RASAL2: variants seen among roughly 807,000 people sequenced by gnomAD.
RASAL2 encodes RAS protein activator like 2.
Under a neutral mutation model 128.9 loss-of-function variants are expected in RASAL2, and 58 were observed. The observed-to-expected ratio is 0.45, with a 90% confidence interval of 0.36 to 0.56. The LOEUF is 0.56. Ranked by LOEUF, RASAL2 falls within the 20% of genes least tolerant of loss-of-function variation. The pLI is 0.00. For synonymous variants in RASAL2, 561 were observed against 580.8 expected, an observed-to-expected ratio of 0.97 and a Z score of 0.49; for missense variants, 1,360 against 1,601.6, an observed-to-expected ratio of 0.85 and a Z score of 2.57.
intron 1 of RASAL2, among the ~76,000 whole-genome samples, chr1:178,163,183 G>C (rs1661393735): frequency 6.6e-6 from 1 of 151,746 alleles, no homozygotes. Flanking sequence ...GGCCAGGCTA[G>C]TCTTGAACTC....
chr1:178,291,832 C>G (rs1407274452), intron 2 of RASAL2, among the ~76,000 whole-genome samples: 1 of 151,952 alleles, frequency 6.6e-6, no homozygotes, highest in Non-Finnish European at 1.5e-5. Context: ...GTCAGGAGTT[C>G]GAGACCAGCC....
intron 1 of RASAL2, among the ~76,000 whole-genome samples, chr1:178,279,243 A>C (rs1163620330): frequency 2.0e-5 from 3 of 151,980 alleles, no homozygotes; most frequent in Non-Finnish European, 1.5e-5. Flanking sequence ...AACTTTTATC[A>C]ATTTGTATTT....
At chr1:178,395,687 T>A (rs1673169538) in intron 4 of RASAL2, among the ~76,000 whole-genome samples, 1 of 151,622 alleles carries the variant, frequency 6.6e-6, no homozygotes, top group African/African-American at 2.4e-5. Flanking sequence ...CTATCCGTGT[T>A]TCTTCCCTCT....
chr1:178,262,169 C>T (rs1368206798), intron 1 of RASAL2, among the ~76,000 whole-genome samples: 1 of 150,762 alleles, frequency 6.6e-6, no homozygotes, highest in African/African-American at 2.4e-5. Flanking sequence ...CCTTTCTCTG[C>T]TGAAAACAGT....
In RASAL2 at chr1:178,199,131, T is replaced by C. The variant is rs576141667; in HGVS notation, c.203-84433T>C. ...GAGCCAGGCATGGGATATAATCTCC[T>C]GGTGTGCCATTTGCTAAGACCACTG... is the stretch of plus-strand genomic sequence containing the variant. On this transcript the variant is annotated intron_variant, in intron 1 of 17. Transcript: ENST00000367649. Among the ~76,000 whole-genome samples the C allele has an allele frequency of 3.9e-4, 59 of 152,362 alleles. 1 individual carries two copies. In the South Asian group the frequency reaches 9.5e-3, roughly 25 times the overall value.
chr1:178,347,646 A>G (rs1020150112), intron 3 of RASAL2, among the ~76,000 whole-genome samples: 6 of 152,236 alleles, frequency 3.9e-5, no homozygotes, highest in African/African-American at 9.6e-5. Flanking sequence ...AAATGAGAAA[A>G]AAGAAAATAC....
At chr1:178,343,802 AAAAC>A (rs1670003011) in intron 3 of RASAL2, among the ~76,000 whole-genome samples, 1 of 151,878 alleles carries the variant, frequency 6.6e-6, no homozygotes, top group East Asian at 1.9e-4. Context: ...TTAGAAAAAA[AAAAC>A]AATAAAAAGG....
chr1:178,361,089 A>G (rs985233179), intron 3 of RASAL2, among the ~76,000 whole-genome samples: 2 of 152,166 alleles, frequency 1.3e-5, no homozygotes, highest in Non-Finnish European at 2.9e-5. Flanking sequence ...GATGTATTTT[A>G]TTGTAATGTT....
chr1:178,276,031 G>T (rs776901096), intron 1 of RASAL2, among the ~76,000 whole-genome samples: 11 of 152,178 alleles, frequency 7.2e-5, no homozygotes, highest in Non-Finnish European at 1.5e-4. Context: ...AACCATTTCT[G>T]ACCTAATGAC....
intron 2 of RASAL2, among the ~76,000 whole-genome samples, chr1:178,299,788 C>T (rs1299993723): frequency 6.6e-6 from 1 of 152,142 alleles, no homozygotes; most frequent in African/African-American, 2.4e-5. Flanking sequence ...AGTCACTGCA[C>T]CTGGCCCAGT....
intron 1 of RASAL2, among the ~76,000 whole-genome samples, chr1:178,266,244 A>C (rs751442170): frequency 1.3e-5 from 2 of 152,170 alleles, no homozygotes; most frequent in African/African-American, 2.4e-5. Context: ...AACAATACTT[A>C]GTATCTTTTT....
intron 2 of RASAL2, among the ~76,000 whole-genome samples, chr1:178,299,654 C>T (rs962346191): frequency 6.6e-6 from 1 of 152,066 alleles, no homozygotes; most frequent in African/African-American, 2.4e-5. Context: ...GGCGCCACCA[C>T]GCCCAGCTAA....
chr1:178,470,402 C>T (rs1458696884), intron 17 of RASAL2, among the ~76,000 whole-genome samples: 1 of 152,216 alleles, frequency 6.6e-6, no homozygotes, highest in Non-Finnish European at 1.5e-5. Flanking sequence ...CACTTTCTAA[C>T]AGGAACTGCA....
At chr1:178,157,710 A>G (rs1486812432) in intron 1 of RASAL2, among the ~76,000 whole-genome samples, 1 of 152,186 alleles carries the variant, frequency 6.6e-6, no homozygotes, top group Non-Finnish European at 1.5e-5. Context: ...TCTGTTAGGT[A>G]AGAAGTCTGT....
chr1:178,219,820 C>T (rs1663554243), intron 1 of RASAL2, among the ~76,000 whole-genome samples: 1 of 151,892 alleles, frequency 6.6e-6, no homozygotes, highest in South Asian at 2.1e-4. Context: ...ACTTAAATGC[C>T]ATTGTAGGGT....
intron 4 of RASAL2, among the ~76,000 whole-genome samples, chr1:178,411,165 TACACACAC>T (rs138482764): frequency 0.024 from 3,660 of 149,568 alleles, 59 homozygotes; most frequent in South Asian, 0.073. Flanking sequence ...TGTGTGTGTG[TACACACAC>T]ACACACACAC....
rs762798471 is a variant in RASAL2, at chr1:178,213,687, AAG to A, written c.203-69874_203-69873del. ...TTATTTATATGAATTAATTTTTAAA[AAG>A]AGTAAAACTAATCTGTATGACAGAA... On this transcript the variant is annotated intron_variant, in intron 1 of 17. Transcript: ENST00000367649. 4.1e-4 allele frequency among the ~76,000 whole-genome samples: 62 copies of A among 151,506 alleles called. No individual in the cohort carries two copies. The East Asian group carries it at 7.7e-3, about 19-fold the overall frequency.
At chr1:178,108,647 A>G (rs762123156) in intron 1 of RASAL2, among the ~76,000 whole-genome samples, 5 of 152,222 alleles carry the variant, frequency 3.3e-5, no homozygotes, top group Admixed American at 6.5e-5. Flanking sequence ...CTTAATCACT[A>G]TATAATTTGA....
chr1:178,442,929 T>C lies in RASAL2; in HGVS notation c.1182T>C (p.Tyr394=), dbSNP rs1302567191. 5 of 1,613,958 alleles carry C rather than the reference T, an allele frequency of 3.1e-6. No individual in the cohort carries two copies. Among genetic ancestry groups the C allele is most frequent in the African/African-American group, 2.7e-5 (2 of 74,936 alleles). The change falls in exon 8 of 18, where the codon TAT becomes TAC. Residue 394 remains tyrosine, a synonymous_variant. Coordinates refer to ENST00000367649, the MANE Select transcript of RASAL2 (RefSeq NM_170692.4). ...AGAAAAAAAAGGACAAGAATAATTA[T>C]GTAGGGCTAGTCAACATCCCCACTG... ...EKKKKKDKNN[Y]VGLVNIPTAS... is the part of the protein sequence containing the mutation.
Sources: gnomAD v4.1 joint callset for allele counts (sites outside exome capture counted in the v4.1 genomes callset) on GRCh38, gnomAD v4.1.1 for gene constraint, MANE v1.5 for transcripts, NCBI Gene and HGNC (gene_info 2026-07-23, HGNC 2026-07-21) for gene names.